The following LOC400499 variants were observed in gnomAD, a reference collection of about 807,000 sequenced individuals.
the LOC400499 span, among the ~76,000 whole-genome samples, chr16:11,421,504 C>G: frequency 2.6e-5 from 4 of 152,114 alleles, no homozygotes; most frequent in East Asian, 7.7e-4. Context: ...TGGGTTCAAA[C>G]GATTCTCCTG....
chr16:11,439,615 G>C, the LOC400499 span: 1 of 399,078 alleles, frequency 2.5e-6, no homozygotes, highest in Non-Finnish European at 4.4e-6. Flanking sequence ...GGGTCAGAGG[G>C]AACAGAGAGA....
At chr16:11,523,388 G>T in the LOC400499 span, 9 of 398,708 alleles carry the variant, frequency 2.3e-5, no homozygotes, top group African/African-American at 1.4e-4. Context: ...GTCACCAGAG[G>T]TGTGATCAGG....
chr16:11,497,874 C>A, the LOC400499 span, among the ~76,000 whole-genome samples: 1 of 151,842 alleles, frequency 6.6e-6, no homozygotes, highest in Non-Finnish European at 1.5e-5. Context: ...AATCTTAATG[C>A]AAAAATCTCT....
the LOC400499 span, chr16:11,494,571 T>C: frequency 2.7e-6 from 1 of 370,182 alleles, no homozygotes; most frequent in East Asian, 3.8e-5. Context: ...CTGGATGTCC[T>C]CACCTTGTCA....
the LOC400499 span, among the ~76,000 whole-genome samples, chr16:11,415,066 G>A: frequency 1.3e-5 from 2 of 152,152 alleles, no homozygotes; most frequent in Admixed American, 1.3e-4. Context: ...GATTATGGGA[G>A]GGGTAGCCTG....
At chr16:11,525,255 G>A in the LOC400499 span, among the ~76,000 whole-genome samples, 14 of 147,876 alleles carry the variant, frequency 9.5e-5, no homozygotes, top group South Asian at 2.4e-3. Flanking sequence ...TGGTGCGATC[G>A]TATTCCAGCC....
the LOC400499 span, among the ~76,000 whole-genome samples, chr16:11,454,917 C>G: frequency 6.6e-6 from 1 of 152,154 alleles, no homozygotes; most frequent in African/African-American, 2.4e-5. Flanking sequence ...TGCAGAACCA[C>G]AGCTGTGCAA....
chr16:11,456,862 C>T, the LOC400499 span: 4 of 1,536,168 alleles, frequency 2.6e-6, no homozygotes, highest in Non-Finnish European at 3.5e-6. Flanking sequence ...CACTCACCTT[C>T]CCACTTCCAC....
chr16:11,401,920 A>C, the LOC400499 span: 1 of 398,244 alleles, frequency 2.5e-6, no homozygotes, highest in Non-Finnish European at 4.4e-6. Flanking sequence ...GATGTGGTAC[A>C]GCCTCATTGA....
At chr16:11,519,536 A>G in the LOC400499 span, among the ~76,000 whole-genome samples, 1 of 152,198 alleles carries the variant, frequency 6.6e-6, no homozygotes, top group Non-Finnish European at 1.5e-5. Context: ...CAAGACTTCA[A>G]GACCAGCCTG....
At chr16:11,421,312 T>A in the LOC400499 span, among the ~76,000 whole-genome samples, 2 of 152,180 alleles carry the variant, frequency 1.3e-5, no homozygotes, top group African/African-American at 4.8e-5. Flanking sequence ...GACTAGGCAT[T>A]CCCAGGGTCT....
At chr16:11,396,424 C>T in the LOC400499 span, 3 of 1,188,934 alleles carry the variant, frequency 2.5e-6, no homozygotes, top group Non-Finnish European at 2.1e-6. Context: ...GCCGCCCAGG[C>T]AGTTGGGGGC....
At chr16:11,392,695 C>T in the LOC400499 span, 9 of 838,576 alleles carry the variant, frequency 1.1e-5, no homozygotes, top group Admixed American at 1.2e-4. Context: ...TCCCCCGACA[C>T]GGCAGTCAGT....
chr16:11,419,242 C>A, the LOC400499 span, among the ~76,000 whole-genome samples: 2 of 151,794 alleles, frequency 1.3e-5, no homozygotes, highest in East Asian at 3.9e-4. Context: ...GTACTGGTAC[C>A]AAAACAGAGA....
At chr16:11,519,152 A>G in the LOC400499 span, among the ~76,000 whole-genome samples, 2 of 152,138 alleles carry the variant, frequency 1.3e-5, no homozygotes, top group East Asian at 1.9e-4. Context: ...CGAATGTCTC[A>G]CTGAAATAAT....
chr16:11,460,543 G>C, the LOC400499 span: 1 of 1,535,500 alleles, frequency 6.5e-7, no homozygotes, highest in South Asian at 1.2e-5. Flanking sequence ...TGTAGGCACC[G>C]TCTGAGCCAC....
chr16:11,487,015 G>A, the LOC400499 span, among the ~76,000 whole-genome samples: 50 of 151,944 alleles, frequency 3.3e-4, no homozygotes, highest in East Asian at 8.5e-3. Context: ...GTGGATGGAC[G>A]GATGGACAGA....
At chr16:11,515,608 G>A in the LOC400499 span, among the ~76,000 whole-genome samples, 1 of 150,870 alleles carries the variant, frequency 6.6e-6, no homozygotes, top group South Asian at 2.1e-4. Context: ...GGAGGTAAAG[G>A]AAGGAGGACC....
the LOC400499 span, among the ~76,000 whole-genome samples, chr16:11,375,962 C>T: frequency 3.3e-5 from 5 of 152,156 alleles, no homozygotes; most frequent in Non-Finnish European, 4.4e-5. Context: ...TGGTCTCGAA[C>T]GCCTGACCTC....
Sources: allele counts gnomAD v4.1 joint callset (sites outside exome capture counted in the v4.1 genomes callset), GRCh38; gene constraint gnomAD v4.1.1; transcripts MANE v1.5.